Variants in KBTBD12 observed in about 807,000 individuals in gnomAD.
KBTBD12 encodes kelch repeat and BTB domain-containing protein 12.
A neutral mutation model predicts 58.7 loss-of-function variants in KBTBD12; 53 were observed. That is an observed-to-expected ratio of 0.90 (90% CI 0.72 to 1.14). The LOEUF (loss-of-function observed/expected upper bound fraction) is 1.14, where lower values mean the gene tolerates loss of function less well. KBTBD12 is among the 50% of genes most tolerant of loss of function. KBTBD12 has a pLI of 0.00. For missense variants in KBTBD12, 704 were observed against 751.3 expected (o/e 0.94, Z 0.74); for synonymous variants, 236 against 259.8 (o/e 0.91, Z 0.88).
At chr3:127,917,840 G>A (rs960902670) in intron 1 of KBTBD12, among the ~76,000 whole-genome samples, 1 of 152,086 alleles carries the variant, frequency 6.6e-6, no homozygotes, top group Non-Finnish European at 1.5e-5. Flanking sequence ...TTGTAATTTA[G>A]GACTAAACAA....
At chr3:127,961,513 T>C (rs969348623) in intron 4 of KBTBD12, among the ~76,000 whole-genome samples, 2 of 152,172 alleles carry the variant, frequency 1.3e-5, no homozygotes, top group African/African-American at 4.8e-5. Flanking sequence ...AAAAAAGACT[T>C]TTCCTTCAAA....
chr3:127,921,420 T>G (rs1188857351), intron 1 of KBTBD12, among the ~76,000 whole-genome samples: 3 of 152,106 alleles, frequency 2.0e-5, no homozygotes, highest in African/African-American at 7.2e-5. Flanking sequence ...TTATTCCCAT[T>G]TTACAGATGA....
In KBTBD12 at chr3:127,963,397, A is replaced by C. The variant is rs190391983; in HGVS notation, c.1690+11A>C. On this transcript the variant is annotated intron_variant, in intron 5 of 5. Coordinates refer to ENST00000405109, the MANE Select transcript of KBTBD12 (RefSeq NM_207335.4). ...GATTCCATGGAGCAGGTATGGGTCC[A>C]GTTTTAAACATTTTGTTACCTCCTT... 1 of 1,580,010 alleles carries C rather than the reference A, an allele frequency of 6.3e-7. No individual in the cohort carries two copies. Among genetic ancestry groups the C allele is most frequent in the Non-Finnish European group, 8.6e-7 (1 of 1,162,014 alleles).
chr3:127,980,874 A>G lies in KBTBD12; in HGVS notation c.1691-3223A>G, dbSNP rs948664411. ...AATAAAAATCCAATCAAAATCATAC[A>G]AATTCTATTTTAGATTTTTTGTTGG... On this transcript the variant is annotated intron_variant, in intron 5 of 5. Coordinates refer to ENST00000405109, the MANE Select transcript of KBTBD12 (RefSeq NM_207335.4). Among the ~76,000 whole-genome samples, 11 of 152,338 alleles carry G rather than the reference A, an allele frequency of 7.2e-5. No homozygotes were observed. The East Asian group carries it at 1.9e-3, about 27-fold the overall frequency.
rs1477521762 is a variant in KBTBD12 at position 127,986,843 on chromosome 3, G to A, written c.*2565G>A. 1 of 152,334 alleles carries A rather than the reference G, an allele frequency of 6.6e-6. No homozygotes were observed. The highest frequency in any genetic ancestry group is 1.5e-5 in the Non-Finnish European group (1 of 68,152). 9.4% of individuals were successfully genotyped at this position (152,334 alleles called of 1,614,324 possible). On this transcript the variant is annotated 3_prime_UTR_variant, in exon 6 of 6. Transcript: ENST00000405109. ...CTTGGCTCCTCCAGTTGGCGGCTGA[G>A]AGTTAAGCAAGGGTTTACTCGGATC...
intron 4 of KBTBD12, among the ~76,000 whole-genome samples, chr3:127,931,717 A>C (rs1187361036): frequency 6.6e-6 from 1 of 152,160 alleles, no homozygotes; most frequent in South Asian, 2.1e-4. Context: ...TGAATGAATG[A>C]AAGGAGGTAG....
intron 4 of KBTBD12, among the ~76,000 whole-genome samples, chr3:127,941,732 T>C (rs992209883): frequency 2.6e-5 from 4 of 152,190 alleles, no homozygotes; most frequent in Admixed American, 6.5e-5. Context: ...CCCAAGTAGC[T>C]GGGGTTACAG....
chr3:127,922,907 G>T, intron 1 of KBTBD12, 43 bp from the exon 2 acceptor site: 1 of 563,272 alleles, frequency 1.8e-6, no homozygotes, highest in Non-Finnish European at 3.2e-6. Flanking sequence ...AAATTATAGA[G>T]AATTTTTTCT....
chr3:127,953,803 C>T (rs978003197), intron 4 of KBTBD12, among the ~76,000 whole-genome samples: 5 of 152,232 alleles, frequency 3.3e-5, no homozygotes, highest in African/African-American at 1.2e-4. Flanking sequence ...GGCCAGATTG[C>T]TCAAGTGACT....
intron 4 of KBTBD12, among the ~76,000 whole-genome samples, chr3:127,942,608 C>G (rs919599015): frequency 1.3e-5 from 2 of 149,134 alleles, no homozygotes; most frequent in Admixed American, 6.7e-5. Flanking sequence ...TGAAGATGAG[C>G]ATTCTTGTGT....
intron 4 of KBTBD12, among the ~76,000 whole-genome samples, chr3:127,938,576 C>T (rs963322284): frequency 2.0e-5 from 3 of 151,978 alleles, no homozygotes; most frequent in African/African-American, 7.2e-5. Flanking sequence ...ATGAAATGTA[C>T]CAACAATTAT....
intron 4 of KBTBD12, among the ~76,000 whole-genome samples, chr3:127,956,021 C>G (rs1171142167): frequency 6.6e-6 from 1 of 152,192 alleles, no homozygotes; most frequent in East Asian, 1.9e-4. Context: ...GAAAGAAATG[C>G]TTTACCATGG....
In KBTBD12 at chr3:127,928,048, C is replaced by T; in HGVS notation, c.1341+14C>T. ...TGGACCCCTCAGGTTAAGAAATTTCCTGTATACATAATTGGCATGGCTATA... is the reference window on the plus strand; with the variant it reads ...TGGACCCCTCAGGTTAAGAAATTTCTTGTATACATAATTGGCATGGCTATA... On this transcript the variant is annotated intron_variant, in intron 3 of 5. Coordinates refer to ENST00000405109, the MANE Select transcript of KBTBD12 (RefSeq NM_207335.4). 1 of 1,608,428 alleles carries T rather than the reference C, an allele frequency of 6.2e-7. No homozygotes were observed. Among genetic ancestry groups the T allele is most frequent in the Non-Finnish European group, 8.5e-7 (1 of 1,175,446 alleles).
In KBTBD12 at chr3:127,963,295, G is replaced by T. The variant is rs199735167; in HGVS notation, c.1599G>T (p.Met533Ile). Residue 533 changes from methionine (M) to isoleucine (I), a missense_variant, in exon 5 of 6, where the codon ATG (methionine) becomes ATT (isoleucine). Physicochemically the swap from Met to Ile is conservative, Grantham distance 10 (BLOSUM62 1). Coordinates refer to ENST00000405109, the MANE Select transcript of KBTBD12 (RefSeq NM_207335.4). ...DGDFWREGPP[M>I]PSPLLSLRTN... ...ACTTTTGGCGAGAGGGCCCTCCCAT[G>T]CCAAGTCCCCTCCTCTCACTCCGCA... is the stretch of plus-strand genomic sequence containing the variant. The T allele has an allele frequency of 5.5e-5, 89 of 1,611,702 alleles. No homozygotes were observed. The highest frequency in any genetic ancestry group is 7.3e-5 in the Non-Finnish European group (86 of 1,179,068).
chr3:127,923,408 T>A lies in KBTBD12; in HGVS notation c.347T>A (p.Val116Asp), dbSNP rs749335526. ...MAAYFMQMEE[V>D]FSVCQKYMMD... Reference sequence around the variant, plus strand: ...GCCTATTTTATGCAGATGGAAGAAGTCTTCAGTGTGTGTCAAAAATATATG... The same window carrying A: ...GCCTATTTTATGCAGATGGAAGAAGACTTCAGTGTGTGTCAAAAATATATG... Residue 116 changes from valine to aspartate, a missense_variant, in exon 2 of 6, where the codon GTC becomes GAC. Coordinates refer to ENST00000405109, the MANE Select transcript of KBTBD12 (RefSeq NM_207335.4). 2.5e-6 allele frequency: 4 copies of A among 1,613,064 alleles called. No individual in the cohort carries two copies. In the African/African-American group the frequency reaches 5.3e-5, roughly 22 times the overall value.
chr3:127,969,408 A>C (rs1367856788), intron 5 of KBTBD12, among the ~76,000 whole-genome samples: 1 of 152,204 alleles, frequency 6.6e-6, no homozygotes. Flanking sequence ...GACATCATTA[A>C]AAGGAATTAA....
intron 5 of KBTBD12, among the ~76,000 whole-genome samples, chr3:127,974,879 A>T (rs1474940011): frequency 6.6e-6 from 1 of 152,106 alleles, no homozygotes; most frequent in African/African-American, 2.4e-5. Context: ...CTCGGGAGGC[A>T]GGAGAATGGC....
rs1435677355 is a variant in KBTBD12, at chr3:127,930,182, A to G, written c.1391A>G (p.Gln464Arg). 1 of 1,603,854 alleles carries G rather than the reference A, an allele frequency of 6.2e-7. No individual in the cohort carries two copies. Among genetic ancestry groups the G allele is most frequent in the African/African-American group, 1.3e-5 (1 of 74,794 alleles). Residue 464 changes from glutamine to arginine, a missense_variant, in exon 4 of 6, where the codon CAG becomes CGG. Coordinates refer to ENST00000405109, the MANE Select transcript of KBTBD12 (RefSeq NM_207335.4). Reference sequence around the variant, plus strand: ...GATCGATTAAGCAACAAACTGTTGCAGTATGACCCCAGCCAAGATCAATGG... The same window carrying G: ...GATCGATTAAGCAACAAACTGTTGCGGTATGACCCCAGCCAAGATCAATGG... ...EPDRLSNKLLQYDPSQDQWSV... is the reference protein window; with the variant it reads ...EPDRLSNKLLRYDPSQDQWSV...
chr3:127,949,245 A>G (rs1407278428), intron 4 of KBTBD12, among the ~76,000 whole-genome samples: 1 of 152,198 alleles, frequency 6.6e-6, no homozygotes, highest in Non-Finnish European at 1.5e-5. Context: ...CAAGGAGAGA[A>G]TTCTTGGTCG....
Sources: allele counts gnomAD v4.1 joint callset (sites outside exome capture counted in the v4.1 genomes callset), GRCh38; gene constraint gnomAD v4.1.1; transcripts MANE v1.5; gene names NCBI Gene and HGNC (gene_info 2026-07-23, HGNC 2026-07-21).